PTPRM: variants seen among roughly 807,000 people sequenced by gnomAD.
The protein encoded by PTPRM is receptor-type tyrosine-protein phosphatase mu.
A neutral mutation model predicts 186.7 loss-of-function variants in PTPRM; 47 were observed. That is an observed-to-expected ratio of 0.25 (90% CI 0.20 to 0.32). PTPRM has a LOEUF of 0.32. PTPRM is among the 10% of genes least tolerant of loss of function. The probability of loss-of-function intolerance (pLI) is 1.00; values close to 1 mark genes in which losing one functional copy is unlikely to be tolerated. For synonymous variants in PTPRM, 668 were observed against 674.9 expected (o/e 0.99, Z 0.16); for missense variants, 1,494 against 1,865.0 (o/e 0.80, Z 3.66).
intron 31 of PTPRM, among the ~76,000 whole-genome samples, chr18:8,389,543 G>C (rs1375402655): frequency 6.6e-6 from 1 of 152,144 alleles, no homozygotes; most frequent in Non-Finnish European, 1.5e-5. Context: ...TTTCCACTGA[G>C]AGAACCTTGA....
chr18:7,686,408 A>G (rs1310886616), intron 1 of PTPRM, among the ~76,000 whole-genome samples: 1 of 152,216 alleles, frequency 6.6e-6, no homozygotes, highest in Non-Finnish European at 1.5e-5. Flanking sequence ...ATAGTCTTTT[A>G]TTACTACACA....
rs1397830886 is a variant in PTPRM at position 7,568,257 on chromosome 18, T to G, written c.73+366T>G. ...AGAAAACTTTGCTTGAAGTTCCCAG[T>G]TGCAGCCGCCGGGCCGCCTGGCGTA... On this transcript the variant is annotated intron_variant, in intron 1 of 32. Coordinates refer to ENST00000580170, the MANE Select transcript of PTPRM (RefSeq NM_001105244.2). This position sits in a 1 kb window ranked among gnomAD's most constrained non-coding sequence, Gnocchi z 5.1. Among the ~76,000 whole-genome samples, 1 of 151,692 alleles carries G rather than the reference T, an allele frequency of 6.6e-6. No individual in the cohort carries two copies. Among genetic ancestry groups the G allele is most frequent in the Admixed American group, 6.6e-5 (1 of 15,248 alleles).
At chr18:8,228,272 G>A (rs2094240373) in intron 14 of PTPRM, among the ~76,000 whole-genome samples, 1 of 152,106 alleles carries the variant, frequency 6.6e-6, no homozygotes, top group South Asian at 2.1e-4. Context: ...CAGGCCCAGG[G>A]ACTGATAGAA....
At chr18:8,246,869 GT>G (rs1219182851) in intron 15 of PTPRM, among the ~76,000 whole-genome samples, 1 of 152,158 alleles carries the variant, frequency 6.6e-6, no homozygotes, top group Non-Finnish European at 1.5e-5. Flanking sequence ...ATATTAATAT[GT>G]CATCAGAATA....
intron 7 of PTPRM, among the ~76,000 whole-genome samples, chr18:8,063,077 T>G (rs1428907411): frequency 3.3e-5 from 5 of 151,562 alleles, no homozygotes; most frequent in African/African-American, 1.2e-4. Flanking sequence ...CCTTGCAGTT[T>G]GATCTCAGAC....
At chr18:7,859,718 A>G (rs2047266024) in intron 2 of PTPRM, among the ~76,000 whole-genome samples, 1 of 152,198 alleles carries the variant, frequency 6.6e-6, no homozygotes, top group Non-Finnish European at 1.5e-5. Flanking sequence ...TGGTGCAAAC[A>G]TTGATGGTTG....
chr18:8,125,840 A>G lies in PTPRM; in HGVS notation c.2167+11013A>G, dbSNP rs4797305. ...TTGGGAAGAAAGTAGAAAGCTATACATGGTAGGAATTTCTCTTTAAAAACT... is the reference window on the plus strand; with the variant it reads ...TTGGGAAGAAAGTAGAAAGCTATACGTGGTAGGAATTTCTCTTTAAAAACT... On this transcript the variant is annotated intron_variant, in intron 13 of 32. Coordinates refer to ENST00000580170, the MANE Select transcript of PTPRM (RefSeq NM_001105244.2). 1.4e-3 allele frequency among the ~76,000 whole-genome samples: 207 copies of G among 151,700 alleles called. 4 individuals carry two copies. The highest frequency in any genetic ancestry group is 0.012 in the Admixed American group (186 of 15,212).
intron 10 of PTPRM, among the ~76,000 whole-genome samples, 169 bp from the exon 11 acceptor site, chr18:8,088,580 C>T (rs567236406): frequency 6.6e-6 from 1 of 152,314 alleles, no homozygotes; most frequent in Admixed American, 6.5e-5. Flanking sequence ...GCAGCTGTCC[C>T]TGTGATTCTA....
intron 14 of PTPRM, among the ~76,000 whole-genome samples, chr18:8,222,836 TC>T (rs112384636): frequency 1.4e-4 from 21 of 152,258 alleles, no homozygotes; most frequent in African/African-American, 5.1e-4. Flanking sequence ...GCACCTTTAA[TC>T]CCAGCTGATC....
At chr18:7,588,590 GTTGT>G (rs2037042603) in intron 1 of PTPRM, among the ~76,000 whole-genome samples, 1 of 152,224 alleles carries the variant, frequency 6.6e-6, no homozygotes, top group Non-Finnish European at 1.5e-5. Flanking sequence ...CACACTTTTG[GTTGT>G]TTGAAGATTC....
intron 32 of PTPRM, among the ~76,000 whole-genome samples, chr18:8,397,379 C>T (rs546773479): frequency 1.3e-5 from 2 of 152,310 alleles, no homozygotes; most frequent in South Asian, 4.1e-4. Context: ...GAAGATTCGT[C>T]GGTTCGTGTT....
In PTPRM at chr18:8,253,384, G is replaced by A. The variant is rs146811258; in HGVS notation, c.2724G>A (p.Ala908=). Residue 908 remains alanine (A), a synonymous_variant, in exon 19 of 33, where the codon GCG becomes GCA. Transcript: ENST00000580170. ...AGCACATCACACAGATGAAGTGTGC[G>A]GAGGGCTACGGCTTCAAGGAGGAAT... ...LLQHITQMKC[A]EGYGFKEEYE... The A allele has an allele frequency of 2.2e-4, 339 of 1,554,222 alleles. No homozygotes were observed. Among genetic ancestry groups the A allele is most frequent in the East Asian group, 2.9e-4 (12 of 41,030 alleles).
In PTPRM at chr18:7,813,374, A is replaced by G. The variant is rs147752081; in HGVS notation, c.196+39103A>G. On this transcript the variant is annotated intron_variant, in intron 2 of 32. Transcript: ENST00000580170. ...CTTGGAACCGGTAGCCAGTAAGACTATTTCTCAAAGACAGAGTGCATCATT... is the reference window on the plus strand; with the variant it reads ...CTTGGAACCGGTAGCCAGTAAGACTGTTTCTCAAAGACAGAGTGCATCATT... Among the ~76,000 whole-genome samples, 688 of 152,328 alleles carry G rather than the reference A, an allele frequency of 4.5e-3. 4 individuals are homozygous for G. The highest frequency in any genetic ancestry group is 0.015 in the African/African-American group (644 of 41,572).
intron 14 of PTPRM, among the ~76,000 whole-genome samples, chr18:8,229,849 A>G (rs1321169817): frequency 6.6e-6 from 1 of 152,206 alleles, no homozygotes; most frequent in Non-Finnish European, 1.5e-5. Flanking sequence ...GTATACACAC[A>G]TGTACCAAGA....
chr18:8,292,042 T>G (rs1409900494), intron 19 of PTPRM, among the ~76,000 whole-genome samples: 10 of 152,174 alleles, frequency 6.6e-5, no homozygotes, highest in Admixed American at 5.9e-4. Flanking sequence ...CTATCCCAGT[T>G]ACTGTACTTG....
intron 1 of PTPRM, among the ~76,000 whole-genome samples, chr18:7,622,559 T>C (rs564519183): frequency 6.6e-6 from 1 of 152,148 alleles, no homozygotes; most frequent in Non-Finnish European, 1.5e-5. Flanking sequence ...ATAAATACCT[T>C]GGGATGGTGC....
At chr18:8,103,215 C>T (rs2091369565) in intron 11 of PTPRM, among the ~76,000 whole-genome samples, 1 of 152,180 alleles carries the variant, frequency 6.6e-6, no homozygotes, top group Non-Finnish European at 1.5e-5. Flanking sequence ...AACTTGCTAG[C>T]AGCATGAGCC....
intron 11 of PTPRM, among the ~76,000 whole-genome samples, chr18:8,103,775 G>T (rs2091396849): frequency 6.6e-6 from 1 of 152,066 alleles, no homozygotes; most frequent in African/African-American, 2.4e-5. Context: ...TTACAACTTG[G>T]CTGTTTGGTA....
At chr18:8,097,400 A>G (rs2091065234) in intron 11 of PTPRM, among the ~76,000 whole-genome samples, 1 of 152,058 alleles carries the variant, frequency 6.6e-6, no homozygotes. Context: ...GTCCTGTATC[A>G]ATGTATTTTC....
Sources: gnomAD v4.1 joint callset for allele counts (sites outside exome capture counted in the v4.1 genomes callset) on GRCh38, gnomAD v4.1.1 for gene constraint, Gnocchi (gnomAD v3.1) non-coding constraint, MANE v1.5 for transcripts, NCBI Gene and HGNC (gene_info 2026-07-23, HGNC 2026-07-21) for gene names.